The following TYW1B variants were observed in gnomAD, a reference collection of about 807,000 sequenced individuals.
TYW1B encodes S-adenosyl-L-methionine-dependent tRNA 4-demethylwyosine synthase TYW1B.
Under a neutral mutation model 86.9 loss-of-function variants are expected in TYW1B, and 73 were observed. That is an observed-to-expected ratio of 0.84 (90% CI 0.70 to 1.02). The LOEUF is 1.02. TYW1B is among the 50% of genes least tolerant of loss of function. The pLI is 0.00. For missense variants in TYW1B, 637 were observed against 827.4 expected, an observed-to-expected ratio of 0.77 and a Z score of 2.82; for synonymous variants, 248 against 292.8, an observed-to-expected ratio of 0.85 and a Z score of 1.56.
chr7:72,627,379 C>T (rs1350805965), intron 12 of TYW1B, among the ~76,000 whole-genome samples: 1 of 151,700 alleles, frequency 6.6e-6, no homozygotes, highest in Non-Finnish European at 1.5e-5. Context: ...ACCCGGGAGG[C>T]GGAGGTTTCA....
intron 9 of TYW1B, among the ~76,000 whole-genome samples, chr7:72,726,579 G>A (rs1787002454): frequency 6.6e-6 from 1 of 152,040 alleles, no homozygotes; most frequent in African/African-American, 2.4e-5. Flanking sequence ...GGCCAGGCTG[G>A]TCTCAAACTC....
At chr7:72,684,638 C>T (rs1554448968) in intron 11 of TYW1B, among the ~76,000 whole-genome samples, 1 of 152,118 alleles carries the variant, frequency 6.6e-6, no homozygotes, top group Non-Finnish European at 1.5e-5. Flanking sequence ...AAAGGAAGAA[C>T]ATCAGAGAAG....
intron 11 of TYW1B, among the ~76,000 whole-genome samples, chr7:72,663,444 TGTG>T: frequency 6.6e-6 from 1 of 151,996 alleles, no homozygotes; most frequent in Non-Finnish European, 1.5e-5. Flanking sequence ...CCATGATCTA[TGTG>T]ACCTAAAACA....
intron 6 of TYW1B, among the ~76,000 whole-genome samples, chr7:72,795,192 A>G (rs1386141806): frequency 6.6e-6 from 1 of 152,014 alleles, no homozygotes; most frequent in Non-Finnish European, 1.5e-5. Flanking sequence ...AACAGCAGCT[A>G]ACAAATAGGC....
At chr7:72,784,774 A>G (rs1788100725) in intron 6 of TYW1B, among the ~76,000 whole-genome samples, 1 of 152,312 alleles carries the variant, frequency 6.6e-6, no homozygotes, top group East Asian at 1.9e-4. Context: ...CTGGGATTAC[A>G]GGCATAAGCC....
intron 12 of TYW1B, among the ~76,000 whole-genome samples, chr7:72,620,529 T>C (rs1275792600): frequency 3.9e-5 from 6 of 152,170 alleles, no homozygotes; most frequent in African/African-American, 1.4e-4. Flanking sequence ...GAAAATGTTC[T>C]TGGTGACTTA....
chr7:72,659,448 C>G (rs1266572311), intron 11 of TYW1B, among the ~76,000 whole-genome samples: 2 of 152,096 alleles, frequency 1.3e-5, no homozygotes, highest in Non-Finnish European at 2.9e-5. Flanking sequence ...CGTGGTGGCC[C>G]ACACCTGTAG....
intron 5 of TYW1B, among the ~76,000 whole-genome samples, chr7:72,806,860 C>T (rs1788505184): frequency 6.6e-6 from 1 of 152,016 alleles, no homozygotes. Flanking sequence ...GCTATGTTGC[C>T]CAGGCTGGTC....
At position 72,644,072 on chromosome 7, in the gene TYW1B, T is replaced by G. The variant is rs1231845208; in HGVS notation, c.1507-15075A>C. Among the ~76,000 whole-genome samples, 5 of 152,336 alleles carry G rather than the reference T, an allele frequency of 3.3e-5. No individual in the cohort carries two copies. The East Asian group carries it at 7.7e-4, about 23-fold the overall frequency. On this transcript the variant is annotated intron_variant, in intron 11 of 13. Coordinates refer to ENST00000620995, the MANE Select transcript of TYW1B (RefSeq NM_001145440.3). ...AACCAAGATGAGTTTACTGCATGAA[T>G]AGAATTTGGTTTGTTATTTGAAAAT...
intron 13 of TYW1B, among the ~76,000 whole-genome samples, chr7:72,606,676 C>T (rs1360815836): frequency 1.3e-5 from 2 of 151,666 alleles, no homozygotes; most frequent in Non-Finnish European, 2.9e-5. Flanking sequence ...GATGGCTCTC[C>T]CTTCTTCATC....
At chr7:72,781,960 A>C (rs1199903251) in intron 6 of TYW1B, among the ~76,000 whole-genome samples, 1 of 152,170 alleles carries the variant, frequency 6.6e-6, no homozygotes, top group East Asian at 1.9e-4. Flanking sequence ...CAGTGTTACT[A>C]ATGTTTTTTA....
intron 1 of TYW1B, among the ~76,000 whole-genome samples, chr7:72,827,674 T>A (rs1788961617): frequency 6.6e-6 from 1 of 152,148 alleles, no homozygotes; most frequent in South Asian, 2.1e-4. Flanking sequence ...TTTCAAAGGC[T>A]CACGGTTAAA....
intron 7 of TYW1B, among the ~76,000 whole-genome samples, chr7:72,768,466 T>C (rs1308776723): frequency 1.3e-5 from 2 of 152,108 alleles, no homozygotes; most frequent in African/African-American, 4.8e-5. Context: ...ATTTGTCATT[T>C]TCACCTAAAG....
rs375626520 is a variant in TYW1B at position 72,713,794 on chromosome 7, T to C, written c.1197A>G (p.Val399=). 1.2e-4 allele frequency: 189 copies of C among 1,581,684 alleles called. 1 individual carries two copies. In the African/African-American group the frequency reaches 2.2e-3, roughly 18 times the overall value. ...HQNMIKQFKG[V]PGVKAERFEE... ...CAAAGCGTTCTGCTTTGACGCCCGGTACTCCTGGAGAATACAGTGAGAAGG... is the reference window on the plus strand; with the variant it reads ...CAAAGCGTTCTGCTTTGACGCCCGGCACTCCTGGAGAATACAGTGAGAAGG... Residue 399 remains valine (V), a synonymous_variant, in exon 10 of 14, where the codon GTA becomes GTG. Coordinates refer to ENST00000620995, the MANE Select transcript of TYW1B (RefSeq NM_001145440.3).
At chr7:72,607,214 G>C (rs1811820588) in intron 13 of TYW1B, among the ~76,000 whole-genome samples, 2 of 151,772 alleles carry the variant, frequency 1.3e-5, no homozygotes, top group Non-Finnish European at 2.9e-5. Context: ...CCAACATGGA[G>C]AAACCCCATC....
chr7:72,654,683 C>T (rs1450475435), intron 11 of TYW1B, among the ~76,000 whole-genome samples: 8 of 152,154 alleles, frequency 5.3e-5, no homozygotes, highest in African/African-American at 1.9e-4. Flanking sequence ...GAGTTCAAGA[C>T]CAGCCTGGCC....
intron 4 of TYW1B, among the ~76,000 whole-genome samples, chr7:72,809,925 A>G (rs4717686): frequency 0.69 from 102,197 of 148,916 alleles, 35,950 homozygotes; most frequent in Non-Finnish European, 0.77. Flanking sequence ...ACTTGAACGC[A>G]GGAGGCGGAG....
chr7:72,787,462 C>A (rs1403105622), intron 6 of TYW1B, among the ~76,000 whole-genome samples: 2 of 146,210 alleles, frequency 1.4e-5, no homozygotes, highest in Non-Finnish European at 1.5e-5. Context: ...GACTCCATCT[C>A]AAAAAAAAAA....
intron 7 of TYW1B, among the ~76,000 whole-genome samples, chr7:72,750,833 C>A (rs1554464930): frequency 1.3e-5 from 2 of 152,080 alleles, no homozygotes; most frequent in Non-Finnish European, 2.9e-5. Flanking sequence ...CATCTTTAAT[C>A]CAAAAATCCG....
Sources: allele counts gnomAD v4.1 joint callset (sites outside exome capture counted in the v4.1 genomes callset), GRCh38; gene constraint gnomAD v4.1.1; transcripts MANE v1.5; gene names NCBI Gene and HGNC (gene_info 2026-07-23, HGNC 2026-07-21).